The following THSD7B variants were observed in gnomAD, a reference collection of about 807,000 sequenced individuals.
The protein encoded by THSD7B is thrombospondin type 1 domain containing 7B.
THSD7B carries 138 observed loss-of-function variants against 213.6 expected under a neutral mutation model. That is an observed-to-expected ratio of 0.65 (90% confidence interval 0.56 to 0.74). The LOEUF (loss-of-function observed/expected upper bound fraction) is 0.74, where lower values mean the gene tolerates loss of function less well. Among genes scored for constraint, THSD7B ranks in the 30% least tolerant of loss-of-function variants. The pLI, the probability that THSD7B is intolerant of heterozygous loss-of-function variation, is 0.00. For missense variants in THSD7B, 1,931 were observed against 1,991.5 expected (o/e 0.97, Z 0.58); for synonymous variants, 742 against 687.0 (o/e 1.08, Z -1.25).
intron 15 of THSD7B, among the ~76,000 whole-genome samples, chr2:137,490,459 AT>A (rs1688579956): frequency 6.6e-6 from 1 of 152,142 alleles, no homozygotes; most frequent in African/African-American, 2.4e-5. Flanking sequence ...ATTAGACATT[AT>A]TTTTAAGGCA....
chr2:136,785,265 G>A (rs1285119231), intron 1 of THSD7B, among the ~76,000 whole-genome samples: 1 of 152,106 alleles, frequency 6.6e-6, no homozygotes, highest in Admixed American at 6.6e-5. Flanking sequence ...AGATCCATCA[G>A]GTCTGCTGCT....
chr2:136,981,390 A>G (rs1393922622), intron 2 of THSD7B, among the ~76,000 whole-genome samples: 1 of 152,186 alleles, frequency 6.6e-6, no homozygotes, highest in Non-Finnish European at 1.5e-5. Context: ...TGTGCTTATT[A>G]GTTGTGAGGG....
At chr2:137,338,226 C>T (rs1216191971) in intron 12 of THSD7B, among the ~76,000 whole-genome samples, 2 of 151,994 alleles carry the variant, frequency 1.3e-5, no homozygotes, top group African/African-American at 4.8e-5. Flanking sequence ...TAGGCTTGCT[C>T]ATATTACAGC....
intron 2 of THSD7B, among the ~76,000 whole-genome samples, 177 bp downstream of exon 2, chr2:136,882,494 C>G (rs1683643188): frequency 6.6e-6 from 1 of 152,128 alleles, no homozygotes; most frequent in African/African-American, 2.4e-5. Context: ...ATTGTCTTCT[C>G]CATCCATGAT....
intron 4 of THSD7B, among the ~76,000 whole-genome samples, chr2:137,099,959 A>G (rs1046186619): frequency 6.6e-6 from 1 of 152,112 alleles, no homozygotes; most frequent in Non-Finnish European, 1.5e-5. Flanking sequence ...CTTTAAAATA[A>G]GTCTGTTTGT....
At chr2:137,492,875 A>C (rs369032719) in intron 15 of THSD7B, among the ~76,000 whole-genome samples, 1 of 151,946 alleles carries the variant, frequency 6.6e-6, no homozygotes, top group African/African-American at 2.4e-5. Flanking sequence ...TAATCCCAGC[A>C]CTTTGGGAGG....
intron 20 of THSD7B, among the ~76,000 whole-genome samples, chr2:137,638,209 A>G (rs1329881275): frequency 2.6e-5 from 4 of 152,164 alleles, no homozygotes; most frequent in Non-Finnish European, 5.9e-5. Context: ...CCAAATCTCA[A>G]ACTTGAATTG....
At chr2:137,478,809 G>A (rs1688244925) in intron 15 of THSD7B, among the ~76,000 whole-genome samples, 1 of 152,154 alleles carries the variant, frequency 6.6e-6, no homozygotes, top group Admixed American at 6.5e-5. Context: ...GTTTTCATAT[G>A]ATTTATTTCA....
intron 5 of THSD7B, among the ~76,000 whole-genome samples, chr2:137,139,485 C>T (rs1201325932): frequency 2.6e-5 from 4 of 152,122 alleles, no homozygotes; most frequent in Admixed American, 6.6e-5. Context: ...GGTGGAACCC[C>T]GAGGTAATAT....
chr2:137,272,422 T>C, intron 10 of THSD7B, 111 bp from the exon 11 acceptor site: 1 of 1,149,738 alleles, frequency 8.7e-7, no homozygotes, highest in Non-Finnish European at 1.2e-6. Flanking sequence ...CAGGTTGACT[T>C]TCCACATGTG....
At chr2:137,495,409 T>C (rs899674229) in intron 15 of THSD7B, among the ~76,000 whole-genome samples, 6 of 152,122 alleles carry the variant, frequency 3.9e-5, no homozygotes, top group Non-Finnish European at 8.8e-5. Context: ...AATTAGATCT[T>C]AACTCCCTCA....
intron 12 of THSD7B, among the ~76,000 whole-genome samples, chr2:137,280,677 CAG>C (rs1395443615): frequency 6.6e-6 from 1 of 152,016 alleles, no homozygotes; most frequent in African/African-American, 2.4e-5. Flanking sequence ...TCTTTCTGCC[CAG>C]AGTCTTGTGC....
intron 15 of THSD7B, among the ~76,000 whole-genome samples, chr2:137,514,935 CAG>C (rs1423325339): frequency 6.6e-6 from 1 of 152,190 alleles, no homozygotes; most frequent in Non-Finnish European, 1.5e-5. Flanking sequence ...ATGAAGAACA[CAG>C]GGATTCTAAC....
rs140733628 is a variant in THSD7B, at chr2:137,194,176, A to G, written c.1723+23238A>G. On this transcript the variant is annotated intron_variant, in intron 7 of 27. Transcript: ENST00000409968. ...GAAAACCCATCTTCCAATAACATTAAGTAGGAAAATAAACACCAAGTCCAG... is the reference window on the plus strand; with the variant it reads ...GAAAACCCATCTTCCAATAACATTAGGTAGGAAAATAAACACCAAGTCCAG... 9.2e-5 allele frequency among the ~76,000 whole-genome samples: 14 copies of G among 152,340 alleles called. No homozygotes were observed. The East Asian group carries it at 2.7e-3, about 29-fold the overall frequency.
At chr2:137,069,012 C>G (rs1011978054) in intron 3 of THSD7B, among the ~76,000 whole-genome samples, 9 of 152,038 alleles carry the variant, frequency 5.9e-5, no homozygotes, top group African/African-American at 2.2e-4. Flanking sequence ...TTTCTTTTCA[C>G]AGTTATATTT....
At chr2:136,859,182 GTCTTCACTATGAACA>G (rs1683222799) in intron 1 of THSD7B, among the ~76,000 whole-genome samples, 5 of 152,204 alleles carry the variant, frequency 3.3e-5, no homozygotes, top group Admixed American at 2.6e-4. Context: ...GGAGTCATAA[GTCTTCACTATGAACA>G]TCTTCACTAT....
At chr2:137,088,258 T>A (rs1162128087) in intron 3 of THSD7B, among the ~76,000 whole-genome samples, 6 of 150,372 alleles carry the variant, frequency 4.0e-5, no homozygotes, top group South Asian at 4.2e-4. Flanking sequence ...AAAAAAAAAA[T>A]AAAATTAAAT....
At chr2:137,011,698 C>A (rs986504507) in intron 2 of THSD7B, among the ~76,000 whole-genome samples, 3 of 152,160 alleles carry the variant, frequency 2.0e-5, no homozygotes, top group African/African-American at 7.2e-5. Flanking sequence ...ACCACAAGCT[C>A]CTTTTCCCTG....
intron 15 of THSD7B, among the ~76,000 whole-genome samples, chr2:137,546,394 AT>A (rs1398869688): frequency 0.022 from 816 of 37,268 alleles, 134 homozygotes; most frequent in African/African-American, 0.097. Flanking sequence ...TATTATATAT[AT>A]TATATATATT....
Sources: allele counts gnomAD v4.1 joint callset (sites outside exome capture counted in the v4.1 genomes callset), GRCh38; gene constraint gnomAD v4.1.1; transcripts MANE v1.5; gene names NCBI Gene and HGNC (gene_info 2026-07-23, HGNC 2026-07-21).